Variants in ADAMTS6 observed in about 807,000 individuals in gnomAD.
ADAMTS6 encodes the protein ADAM metallopeptidase with thrombospondin type 1 motif 6.
ADAMTS6 carries 23 observed loss-of-function variants against 144.3 expected under a neutral mutation model. That is an observed-to-expected ratio of 0.16 (90% CI 0.11 to 0.23). The LOEUF (loss-of-function observed/expected upper bound fraction) is 0.23, where lower values mean the gene tolerates loss of function less well. Ranked by LOEUF, ADAMTS6 falls within the 10% of genes least tolerant of loss-of-function variation. ADAMTS6 has a pLI of 1.00. For synonymous variants in ADAMTS6, 444 were observed against 457.5 expected (o/e 0.97, Z 0.38); for missense variants, 999 against 1,379.6 (o/e 0.72, Z 4.37).
chr5:65,162,218 G>C (rs1752820215), intron 24 of ADAMTS6, among the ~76,000 whole-genome samples: 1 of 152,056 alleles, frequency 6.6e-6, no homozygotes, highest in Non-Finnish European at 1.5e-5. Context: ...ATGCATTATA[G>C]AGAAGATTTT....
At chr5:65,394,910 C>T (rs1044903868) in intron 7 of ADAMTS6, among the ~76,000 whole-genome samples, 16 of 151,942 alleles carry the variant, frequency 1.1e-4, no homozygotes, top group African/African-American at 3.1e-4. Flanking sequence ...AGTGCTTTCA[C>T]GTACCTGATT....
intron 7 of ADAMTS6, among the ~76,000 whole-genome samples, chr5:65,374,928 C>T (rs1325395088): frequency 6.6e-6 from 1 of 152,102 alleles, no homozygotes; most frequent in African/African-American, 2.4e-5. Context: ...ATCAATGGAA[C>T]AGAACAGAGC....
At chr5:65,310,337 G>A (rs2112839184) in intron 9 of ADAMTS6, among the ~76,000 whole-genome samples, 1 of 152,136 alleles carries the variant, frequency 6.6e-6, no homozygotes, top group East Asian at 1.9e-4. Context: ...GATGAATACA[G>A]CAACAAAGTG....
intron 9 of ADAMTS6, among the ~76,000 whole-genome samples, chr5:65,327,158 T>C (rs927313564): frequency 6.6e-6 from 1 of 152,152 alleles, no homozygotes; most frequent in South Asian, 2.1e-4. Flanking sequence ...GCTCCCTCTC[T>C]TGCCATGTGG....
intron 18 of ADAMTS6, among the ~76,000 whole-genome samples, chr5:65,216,702 A>C (rs1756943196): frequency 6.6e-6 from 1 of 151,994 alleles, no homozygotes; most frequent in African/African-American, 2.4e-5. Flanking sequence ...TGTTGTGAAA[A>C]ATTTCTAAGC....
intron 24 of ADAMTS6, among the ~76,000 whole-genome samples, chr5:65,160,309 C>CTT (rs796848986): frequency 6.2e-4 from 86 of 139,428 alleles, no homozygotes; most frequent in African/African-American, 1.3e-3. Flanking sequence ...CTCCGACTTT[C>CTT]TTTTTTTTTT....
chr5:65,153,706 A>T (rs1355230897), intron 24 of ADAMTS6, among the ~76,000 whole-genome samples: 2 of 152,230 alleles, frequency 1.3e-5, no homozygotes, highest in Non-Finnish European at 2.9e-5. Flanking sequence ...GTCAGTTTGC[A>T]GACAAAACAA....
At chr5:65,456,097 T>C (rs1759173580) in intron 4 of ADAMTS6, among the ~76,000 whole-genome samples, 2 of 151,820 alleles carry the variant, frequency 1.3e-5, no homozygotes, top group Admixed American at 6.6e-5. Flanking sequence ...AGTTTCATTT[T>C]AAAAATTAAG....
At chr5:65,174,462 C>T (rs1196188490) in intron 22 of ADAMTS6, among the ~76,000 whole-genome samples, 7 of 152,264 alleles carry the variant, frequency 4.6e-5, no homozygotes, top group South Asian at 2.1e-4. Context: ...CCTGGTGGAA[C>T]GCCTCGCCAG....
chr5:65,173,088 ATG>A, intron 22 of ADAMTS6, 80 bp from the exon 23 acceptor site: 10 of 1,412,206 alleles, frequency 7.1e-6, no homozygotes, highest in African/African-American at 1.4e-5. Context: ...CTTCATGTAA[ATG>A]TGTGTTTTAG....
At chr5:65,239,020 C>T (rs1000169962) in intron 15 of ADAMTS6, among the ~76,000 whole-genome samples, 1 of 152,064 alleles carries the variant, frequency 6.6e-6, no homozygotes, top group Admixed American at 6.6e-5. Flanking sequence ...GGAACTTAAA[C>T]TACCTGTGTT....
intron 24 of ADAMTS6, among the ~76,000 whole-genome samples, chr5:65,152,832 T>C (rs895150518): frequency 6.6e-6 from 1 of 152,204 alleles, no homozygotes; most frequent in African/African-American, 2.4e-5. Flanking sequence ...CTGGTCACTT[T>C]TGTTTGGAGA....
At position 65,214,389 on chromosome 5, in the gene ADAMTS6, C is replaced by T; in HGVS notation, c.2575+405G>A. ...AAACACACAGGCACACAAACACACA[C>T]AACAAGCACACAGCCGTACATTCTC... On this transcript the variant is annotated intron_variant, in intron 20 of 24. Transcript: ENST00000381055. The surrounding 1 kb of genome is among the most constrained non-coding windows in gnomAD (Gnocchi z 4.6). The T allele has an allele frequency of 1.2e-5, 4 of 341,182 alleles. No individual in the cohort carries two copies. The highest frequency in any genetic ancestry group is 9.5e-5 in the South Asian group (4 of 42,150). 21.1% of individuals were successfully genotyped at this position (341,182 alleles called of 1,614,324 possible).
At chr5:65,256,300 A>C (rs146273183) in intron 14 of ADAMTS6, 136 of 152,362 alleles carry the variant, frequency 8.9e-4, no homozygotes, top group Admixed American at 3.2e-3. Context: ...CACTGAAGAA[A>C]GTTCTATTAG....
At chr5:65,261,947 G>GAA (rs11427401) in intron 13 of ADAMTS6, among the ~76,000 whole-genome samples, 11 of 148,376 alleles carry the variant, frequency 7.4e-5, no homozygotes, top group East Asian at 2.0e-4. Context: ...TTCAGAATGA[G>GAA]AAAAAAAAAA....
chr5:65,209,457 T>C (rs1015687272), intron 20 of ADAMTS6, among the ~76,000 whole-genome samples: 5 of 152,152 alleles, frequency 3.3e-5, no homozygotes, highest in African/African-American at 1.2e-4. Flanking sequence ...CAACACCCCA[T>C]AGCATCTCAA....
chr5:65,465,595 C>T (rs1759936028), intron 3 of ADAMTS6, among the ~76,000 whole-genome samples: 2 of 152,350 alleles, frequency 1.3e-5, no homozygotes, highest in Non-Finnish European at 2.9e-5. Context: ...TTTAAACCTA[C>T]TCCAATCATG....
intron 7 of ADAMTS6, among the ~76,000 whole-genome samples, chr5:65,362,834 A>G (rs1749951722): frequency 6.6e-6 from 1 of 152,202 alleles, no homozygotes; most frequent in Non-Finnish European, 1.5e-5. Flanking sequence ...AATCAAATAG[A>G]GCTATCCTAT....
At chr5:65,411,887 A>G (rs919631795) in intron 7 of ADAMTS6, among the ~76,000 whole-genome samples, 1 of 152,184 alleles carries the variant, frequency 6.6e-6, no homozygotes, top group African/African-American at 2.4e-5. Flanking sequence ...GAAGTAGGGA[A>G]TTAGAAATGC....
Sources: allele counts gnomAD v4.1 joint callset (sites outside exome capture counted in the v4.1 genomes callset), GRCh38; gene constraint gnomAD v4.1.1; non-coding constraint Gnocchi (gnomAD v3.1); transcripts MANE v1.5; gene names NCBI Gene and HGNC (gene_info 2026-07-23, HGNC 2026-07-21).